The following CDKAL1 variants were observed in gnomAD, a reference collection of about 807,000 sequenced individuals.
The protein encoded by CDKAL1 is threonylcarbamoyladenosine tRNA methylthiotransferase.
In CDKAL1, 32 loss-of-function variants were observed where a neutral mutation model predicts 68.2. That is an observed-to-expected ratio of 0.47 (90% confidence interval 0.35 to 0.63). The LOEUF (loss-of-function observed/expected upper bound fraction) is 0.63. Ranked by LOEUF, CDKAL1 falls within the 30% of genes least tolerant of loss-of-function variation. The pLI is 0.00. For synonymous variants in CDKAL1, 234 were observed against 244.3 expected, an observed-to-expected ratio of 0.96 and a Z score of 0.39; for missense variants, 606 against 696.7, an observed-to-expected ratio of 0.87 and a Z score of 1.47.
At chr6:20,684,539 AT>A (rs1770530982) in intron 5 of CDKAL1, among the ~76,000 whole-genome samples, 1 of 152,222 alleles carries the variant, frequency 6.6e-6, no homozygotes. Context: ...AAGGAAGGTA[AT>A]TGCTAGATCT....
intron 9 of CDKAL1, among the ~76,000 whole-genome samples, chr6:20,899,842 C>CA (rs1158935226): frequency 6.6e-6 from 1 of 151,976 alleles, no homozygotes; most frequent in African/African-American, 2.4e-5. Flanking sequence ...AACTCCGTCT[C>CA]AAAAAAACAT....
In CDKAL1 at chr6:20,978,695, G is replaced by T. The variant is rs573608602; in HGVS notation, c.910-21532G>T. Among the ~76,000 whole-genome samples the T allele has an allele frequency of 2.0e-5, 3 of 152,214 alleles. No individual in the cohort carries two copies. In the South Asian group the frequency reaches 6.2e-4, roughly 32 times the overall value. ...TGATGAAATACAGTATATTTTCTTT[G>T]AAGTGGCCTGTAGGAATTTTTCATT... is the stretch of plus-strand genomic sequence containing the variant. On this transcript the variant is annotated intron_variant, in intron 10 of 15. Transcript: ENST00000274695.
chr6:20,862,349 T>C (rs184642012), intron 9 of CDKAL1, among the ~76,000 whole-genome samples: 6 of 152,322 alleles, frequency 3.9e-5, no homozygotes, highest in East Asian at 1.9e-4. Context: ...TCAATTCTGT[T>C]TCCATAGTTT....
intron 5 of CDKAL1, among the ~76,000 whole-genome samples, chr6:20,703,799 A>C (rs575504900): frequency 6.6e-6 from 1 of 152,294 alleles, no homozygotes; most frequent in African/African-American, 2.4e-5. Flanking sequence ...GTAAGTGTAA[A>C]AACATGATGT....
intron 5 of CDKAL1, among the ~76,000 whole-genome samples, chr6:20,717,977 C>A (rs1033844454): frequency 6.6e-6 from 1 of 152,182 alleles, no homozygotes; most frequent in Non-Finnish European, 1.5e-5. Context: ...TGAGCATAAT[C>A]CCTTGCACAG....
At chr6:20,917,340 C>G (rs906484959) in intron 9 of CDKAL1, among the ~76,000 whole-genome samples, 1 of 152,014 alleles carries the variant, frequency 6.6e-6, no homozygotes, top group Non-Finnish European at 1.5e-5. Flanking sequence ...ACAGTGAGAC[C>G]TTTCTTTTAA....
intron 11 of CDKAL1, among the ~76,000 whole-genome samples, chr6:21,064,558 GA>G (rs1049171285): frequency 6.6e-6 from 1 of 152,114 alleles, no homozygotes; most frequent in African/African-American, 2.4e-5. Flanking sequence ...TTAACTCTAG[GA>G]AAAATTACAC....
Position 20,878,393 on chromosome 6 carries a change from G to T in CDKAL1, c.742+32215G>T, listed in dbSNP as rs188551302. Among the ~76,000 whole-genome samples the T allele has an allele frequency of 6.4e-4, 97 of 152,278 alleles. No homozygotes were observed. In the Middle Eastern group the frequency reaches 0.01, roughly 16 times the overall value. On this transcript the variant is annotated intron_variant, in intron 9 of 15. Transcript: ENST00000274695. ...TACCCTGCCTTTTTTCCTACATGCG[G>T]TATTATTGTCCTGAACTCCTTCAAG...
intron 5 of CDKAL1, among the ~76,000 whole-genome samples, chr6:20,722,076 A>G (rs1772404542): frequency 6.6e-6 from 1 of 152,080 alleles, no homozygotes; most frequent in Non-Finnish European, 1.5e-5. Context: ...TGAGAGCCAT[A>G]CTTGTGGCCT....
chr6:20,698,618 T>C (rs1771208131), intron 5 of CDKAL1, among the ~76,000 whole-genome samples: 1 of 152,216 alleles, frequency 6.6e-6, no homozygotes, highest in Admixed American at 6.5e-5. Context: ...TTTCTCATGT[T>C]GAGAGTTATG....
In CDKAL1 at chr6:20,745,154, G is replaced by A. The variant is rs371162996; in HGVS notation, c.468+5539G>A. On this transcript the variant is annotated intron_variant, in intron 6 of 15. Transcript: ENST00000274695. ...ACTATTAGCAGGTTGATTTGCAGTG[G>A]TTAAACATCTTTTCAGGCAGGCTGC... is the stretch of plus-strand genomic sequence containing the variant. Among the ~76,000 whole-genome samples, 11 of 152,328 alleles carry A rather than the reference G, an allele frequency of 7.2e-5. No homozygotes were observed. In the South Asian group the frequency reaches 1.0e-3, roughly 14 times the overall value.
intron 9 of CDKAL1, among the ~76,000 whole-genome samples, chr6:20,851,764 T>C (rs1452737766): frequency 6.6e-6 from 1 of 151,698 alleles, no homozygotes; most frequent in African/African-American, 2.4e-5. Flanking sequence ...AGATACTATC[T>C]AGTATGTATA....
chr6:21,027,974 G>A (rs966511639), intron 11 of CDKAL1, among the ~76,000 whole-genome samples: 24 of 152,146 alleles, frequency 1.6e-4, no homozygotes, highest in Non-Finnish European at 2.8e-4. Context: ...TGGTGCTAAG[G>A]AGAACCAGAG....
At chr6:20,626,819 C>T (rs1227704540) in intron 4 of CDKAL1, among the ~76,000 whole-genome samples, 1 of 152,272 alleles carries the variant, frequency 6.6e-6, no homozygotes, top group Admixed American at 6.5e-5. Context: ...TCAACAACAG[C>T]ATCTCTGTTT....
chr6:20,729,304 G>T (rs1288018482), intron 5 of CDKAL1, among the ~76,000 whole-genome samples: 1 of 152,210 alleles, frequency 6.6e-6, no homozygotes, highest in African/African-American at 2.4e-5. Context: ...TCCCACAGCT[G>T]CTGGGGAACT....
chr6:20,576,186 G>C (rs1764900751), intron 4 of CDKAL1, among the ~76,000 whole-genome samples: 1 of 152,184 alleles, frequency 6.6e-6, no homozygotes, highest in Non-Finnish European at 1.5e-5. Flanking sequence ...AAATAGCTGA[G>C]TTATGTCATA....
chr6:20,961,003 G>A (rs954822725), intron 10 of CDKAL1, among the ~76,000 whole-genome samples: 1 of 152,192 alleles, frequency 6.6e-6, no homozygotes, highest in South Asian at 2.1e-4. Context: ...CTCCACTAGA[G>A]AGGATACATT....
chr6:20,632,107 G>GA (rs1767699362), intron 4 of CDKAL1, among the ~76,000 whole-genome samples: 1 of 152,314 alleles, frequency 6.6e-6, no homozygotes, highest in African/African-American at 2.4e-5. Flanking sequence ...CTGGCAAAGT[G>GA]AAAATTCATA....
intron 4 of CDKAL1, among the ~76,000 whole-genome samples, chr6:20,632,322 C>T (rs745525440): frequency 2.0e-5 from 3 of 152,160 alleles, no homozygotes; most frequent in Non-Finnish European, 2.9e-5. Context: ...CTCGAGAGAG[C>T]GTTGTAGTGC....
Sources: allele counts gnomAD v4.1 joint callset (sites outside exome capture counted in the v4.1 genomes callset), GRCh38; gene constraint gnomAD v4.1.1; transcripts MANE v1.5; gene names NCBI Gene and HGNC (gene_info 2026-07-23, HGNC 2026-07-21).